RIT2: variants seen among roughly 807,000 people sequenced by gnomAD.
RIT2 encodes the protein Ras like without CAAX 2.
RIT2 carries 24 observed loss-of-function variants against 23.7 expected under a neutral mutation model. That is an observed-to-expected ratio of 1.01 (90% confidence interval 0.73 to 1.43). RIT2 has a LOEUF of 1.43. RIT2 is among the 40% of genes most tolerant of loss of function. RIT2 has a pLI of 0.00. For synonymous variants in RIT2, 107 were observed against 91.1 expected, an observed-to-expected ratio of 1.17 and a Z score of -0.99; for missense variants, 236 against 266.9, an observed-to-expected ratio of 0.88 and a Z score of 0.81.
intron 4 of RIT2, among the ~76,000 whole-genome samples, chr18:42,896,116 T>C (rs1908322486): frequency 6.6e-6 from 1 of 152,028 alleles, no homozygotes; most frequent in African/African-American, 2.4e-5. Flanking sequence ...ATACAAAAAT[T>C]AGCTAGGCGT....
intron 4 of RIT2, among the ~76,000 whole-genome samples, chr18:42,856,657 C>T (rs1907188790): frequency 6.6e-6 from 1 of 152,112 alleles, no homozygotes; most frequent in East Asian, 1.9e-4. Context: ...GCCTTCAATT[C>T]TTCCAAGAGC....
intron 2 of RIT2, among the ~76,000 whole-genome samples, chr18:42,991,069 A>G (rs1283632763): frequency 6.6e-6 from 1 of 151,960 alleles, no homozygotes; most frequent in Non-Finnish European, 1.5e-5. Context: ...AAAAAGCAGA[A>G]CCTTTTCGGA....
intron 4 of RIT2, among the ~76,000 whole-genome samples, chr18:42,747,911 T>A (rs1598638510): frequency 6.6e-6 from 1 of 152,026 alleles, no homozygotes. Context: ...AGGACTTAAA[T>A]CTAAGATCTG....
intron 4 of RIT2, among the ~76,000 whole-genome samples, chr18:42,917,588 A>T (rs1156817884): frequency 1.3e-5 from 2 of 152,146 alleles, no homozygotes; most frequent in Non-Finnish European, 2.9e-5. Context: ...TGGTTGCTCC[A>T]ACCAACGACA....
chr18:42,775,480 A>G (rs1479615531), intron 4 of RIT2, among the ~76,000 whole-genome samples: 3 of 152,022 alleles, frequency 2.0e-5, no homozygotes, highest in Non-Finnish European at 1.5e-5. Flanking sequence ...GCGGATCACA[A>G]GGTCAGGAGA....
In RIT2 at chr18:43,026,668, G is replaced by A. The variant is rs1427354748; in HGVS notation, c.160+7143C>T. On this transcript the variant is annotated intron_variant, in intron 2 of 4. Transcript: ENST00000326695. Reference sequence around the variant, plus strand: ...AGAAGGAAAGGCTGTAGATGAAAAAGTTTTTCTTTCTTTTTTTTTTTTTGT... The same window carrying A: ...AGAAGGAAAGGCTGTAGATGAAAAAATTTTTCTTTCTTTTTTTTTTTTTGT... Among the ~76,000 whole-genome samples the A allele has an allele frequency of 3.3e-5, 5 of 150,318 alleles. No homozygotes were observed. The South Asian group carries it at 1.0e-3, about 31-fold the overall frequency.
At chr18:43,092,505 A>G (rs940592464) in intron 1 of RIT2, among the ~76,000 whole-genome samples, 3 of 152,014 alleles carry the variant, frequency 2.0e-5, no homozygotes, top group Admixed American at 1.3e-4. Context: ...CTCACTGAAT[A>G]TGGGGTGTGT....
At chr18:43,043,936 T>C (rs1437260665) in intron 1 of RIT2, among the ~76,000 whole-genome samples, 1 of 152,044 alleles carries the variant, frequency 6.6e-6, no homozygotes, top group Non-Finnish European at 1.5e-5. Context: ...GGATCAGAAA[T>C]AGAGCTACAA....
intron 1 of RIT2, among the ~76,000 whole-genome samples, chr18:43,060,286 A>G: frequency 6.6e-6 from 1 of 152,154 alleles, no homozygotes; most frequent in East Asian, 1.9e-4. Flanking sequence ...ACTCTGCCAT[A>G]TGATGCTATC....
intron 4 of RIT2, among the ~76,000 whole-genome samples, chr18:42,756,028 T>C (rs1913155370): frequency 6.6e-6 from 1 of 152,048 alleles, no homozygotes; most frequent in Non-Finnish European, 1.5e-5. Context: ...AAGAAAGGCC[T>C]AAGGCAGAAG....
intron 2 of RIT2, among the ~76,000 whole-genome samples, chr18:43,026,682 T>C (rs897180549): frequency 6.6e-6 from 1 of 151,096 alleles, no homozygotes; most frequent in Non-Finnish European, 1.5e-5. Context: ...TTCTTTCTTT[T>C]TTTTTTTTTG....
chr18:43,098,640 A>G (rs1913610498), intron 1 of RIT2, among the ~76,000 whole-genome samples: 1 of 151,966 alleles, frequency 6.6e-6, no homozygotes, highest in Admixed American at 6.6e-5. Flanking sequence ...GACAACAATA[A>G]CTAGTGCTTA....
intron 1 of RIT2, among the ~76,000 whole-genome samples, chr18:43,077,258 C>A (rs931548947): frequency 5.3e-5 from 8 of 152,186 alleles, no homozygotes; most frequent in African/African-American, 1.9e-4. Context: ...TGTATACGTA[C>A]TGAGAAGGCA....
At chr18:42,759,675 TAGAC>T (rs1379199313) in intron 4 of RIT2, among the ~76,000 whole-genome samples, 2 of 148,306 alleles carry the variant, frequency 1.3e-5, no homozygotes, top group African/African-American at 5.0e-5. Flanking sequence ...CTGAAGACCT[TAGAC>T]AGCTAGAGCT....
At chr18:43,111,328 G>T (rs1400706979) in intron 1 of RIT2, among the ~76,000 whole-genome samples, 2 of 152,112 alleles carry the variant, frequency 1.3e-5, no homozygotes, top group Non-Finnish European at 2.9e-5. Flanking sequence ...AGTGGAGATG[G>T]TTAATGGGTA....
chr18:43,045,650 A>G (rs1441745707), intron 1 of RIT2, among the ~76,000 whole-genome samples: 3 of 152,236 alleles, frequency 2.0e-5, no homozygotes, highest in Non-Finnish European at 2.9e-5. Context: ...AAGAGATCAT[A>G]GAATAGTCAA....
intron 3 of RIT2, among the ~76,000 whole-genome samples, chr18:42,928,220 T>C (rs955536885): frequency 6.6e-6 from 1 of 152,022 alleles, no homozygotes; most frequent in Non-Finnish European, 1.5e-5. Context: ...GGCATATATA[T>C]ATATCTGAAC....
chr18:42,796,181 C>A (rs536931216), intron 4 of RIT2, among the ~76,000 whole-genome samples: 1 of 152,210 alleles, frequency 6.6e-6, no homozygotes, highest in Middle Eastern at 3.4e-3. Context: ...ACACTCACGG[C>A]GAAGGTCTGC....
chr18:42,757,499 A>G (rs1913191403), intron 4 of RIT2, among the ~76,000 whole-genome samples: 1 of 152,214 alleles, frequency 6.6e-6, no homozygotes, highest in Admixed American at 6.5e-5. Flanking sequence ...CTTGCCATGA[A>G]AAGAAGGATG....
Sources: gnomAD v4.1 joint callset for allele counts (sites outside exome capture counted in the v4.1 genomes callset) on GRCh38, gnomAD v4.1.1 for gene constraint, MANE v1.5 for transcripts, NCBI Gene and HGNC (gene_info 2026-07-23, HGNC 2026-07-21) for gene names.